RCAN2: variants seen among roughly 807,000 people sequenced by gnomAD.
The protein encoded by RCAN2 is calcipressin-2.
Under a neutral mutation model 23.6 loss-of-function variants are expected in RCAN2, and 9 were observed. The ratio of observed to expected loss-of-function variants is 0.38; its 90% CI spans 0.23 to 0.67. The LOEUF is 0.67. Ranked by LOEUF, RCAN2 falls within the 30% of genes least tolerant of loss-of-function variation. The pLI is 0.51. For synonymous variants in RCAN2, 109 were observed against 115.7 expected (o/e 0.94, Z 0.37); for missense variants, 273 against 302.3 (o/e 0.90, Z 0.72).
At chr6:46,403,077 GCCT>G (rs1766302832) in intron 2 of RCAN2, among the ~76,000 whole-genome samples, 1 of 151,482 alleles carries the variant, frequency 6.6e-6, no homozygotes, top group Non-Finnish European at 1.5e-5. Flanking sequence ...CCATTCTCCT[GCCT>G]CAGCCTCCTG....
intron 4 of RCAN2, among the ~76,000 whole-genome samples, chr6:46,235,352 T>A (rs1039898290): frequency 5.9e-5 from 9 of 152,298 alleles, no homozygotes; most frequent in African/African-American, 1.9e-4. Flanking sequence ...CTAGAGGCTT[T>A]GAAAATACAG....
At chr6:46,253,705 A>G (rs1766808975) in intron 2 of RCAN2, among the ~76,000 whole-genome samples, 2 of 152,096 alleles carry the variant, frequency 1.3e-5, no homozygotes, top group African/African-American at 4.8e-5. Flanking sequence ...GCTGTGATGA[A>G]TAGAAATACA....
At chr6:46,458,591 T>G (rs1253006241) in intron 1 of RCAN2, among the ~76,000 whole-genome samples, 2 of 152,070 alleles carry the variant, frequency 1.3e-5, no homozygotes, top group African/African-American at 4.8e-5. Flanking sequence ...AAATACTTAT[T>G]TTAAATAAAA....
chr6:46,260,822 G>A (rs922172741), intron 2 of RCAN2, among the ~76,000 whole-genome samples: 1 of 152,204 alleles, frequency 6.6e-6, no homozygotes, highest in African/African-American at 2.4e-5. Flanking sequence ...TCTCCCACAT[G>A]TCCCCAGGAT....
chr6:46,336,278 A>T (rs4714924), intron 2 of RCAN2, among the ~76,000 whole-genome samples: 64,145 of 152,062 alleles, frequency 0.42, 14,986 homozygotes, highest in East Asian at 0.6. Context: ...CATTGTAGAA[A>T]TATAAGAGAA....
intron 2 of RCAN2, among the ~76,000 whole-genome samples, chr6:46,311,055 A>G (rs1386202888): frequency 6.6e-6 from 1 of 152,214 alleles, no homozygotes; most frequent in Non-Finnish European, 1.5e-5. Context: ...TATTTCAGTT[A>G]CAACACCCTG....
chr6:46,471,890 C>A (rs75557956), intron 1 of RCAN2, among the ~76,000 whole-genome samples: 1 of 152,072 alleles, frequency 6.6e-6, no homozygotes, highest in East Asian at 1.9e-4. Context: ...CAGGTGCGTG[C>A]GCACACACAC....
intron 4 of RCAN2, among the ~76,000 whole-genome samples, chr6:46,237,923 G>A (rs1310511167): frequency 1.3e-5 from 2 of 152,184 alleles, no homozygotes; most frequent in African/African-American, 4.8e-5. Flanking sequence ...AACCATGTGA[G>A]TGAACCATCT....
intron 2 of RCAN2, among the ~76,000 whole-genome samples, chr6:46,395,493 A>G (rs1447939684): frequency 6.6e-6 from 1 of 152,236 alleles, no homozygotes; most frequent in Non-Finnish European, 1.5e-5. Context: ...ACTCCTTTCA[A>G]AATAAAATAA....
At chr6:46,337,604 T>G (rs938316051) in intron 2 of RCAN2, among the ~76,000 whole-genome samples, 16 of 152,240 alleles carry the variant, frequency 1.1e-4, no homozygotes, top group Non-Finnish European at 5.9e-5. Context: ...CTGTTTTAAC[T>G]GTGACACCAC....
chr6:46,464,192 A>G (rs1436882274), intron 1 of RCAN2, among the ~76,000 whole-genome samples: 3 of 152,212 alleles, frequency 2.0e-5, no homozygotes, highest in South Asian at 2.1e-4. Context: ...AGAAATGCCT[A>G]TATTTTTCAA....
At chr6:46,336,246 T>C (rs915816975) in intron 2 of RCAN2, among the ~76,000 whole-genome samples, 1 of 152,208 alleles carries the variant, frequency 6.6e-6, no homozygotes, top group African/African-American at 2.4e-5. Context: ...AATCTGTAAG[T>C]AGCAATGAGC....
At chr6:46,455,313 T>C (rs1238069301) in intron 2 of RCAN2, among the ~76,000 whole-genome samples, 1 of 152,174 alleles carries the variant, frequency 6.6e-6, no homozygotes, top group Non-Finnish European at 1.5e-5. Flanking sequence ...ATTTCAACAG[T>C]TCAACTCCAC....
At chr6:46,327,446 T>G (rs1763829190) in intron 2 of RCAN2, among the ~76,000 whole-genome samples, 1 of 152,196 alleles carries the variant, frequency 6.6e-6, no homozygotes, top group African/African-American at 2.4e-5. Flanking sequence ...TCACTCAGGG[T>G]TAAATCTGGC....
Position 46,356,286 on chromosome 6 carries a change from A to C in RCAN2, c.225+100466T>G, listed in dbSNP as rs578255624. 3.3e-5 allele frequency among the ~76,000 whole-genome samples: 5 copies of C among 152,280 alleles called. No homozygotes were observed. The South Asian group carries it at 1.0e-3, about 32-fold the overall frequency. On this transcript the variant is annotated intron_variant, in intron 2 of 4. Coordinates refer to ENST00000371374, the MANE Select transcript of RCAN2 (RefSeq NM_001251974.2). ...GATTCGAATTCCTTCTCTGATATTC[A>C]TGGACAAGTCTGGGGTCAGTGATGG...
At chr6:46,286,624 A>G (rs1762383110) in intron 2 of RCAN2, among the ~76,000 whole-genome samples, 1 of 152,180 alleles carries the variant, frequency 6.6e-6, no homozygotes, top group African/African-American at 2.4e-5. Context: ...AGGTAAAGAC[A>G]TGTACAGAAC....
chr6:46,357,829 A>G (rs1332217489), intron 2 of RCAN2, among the ~76,000 whole-genome samples: 1 of 152,188 alleles, frequency 6.6e-6, no homozygotes, highest in Non-Finnish European at 1.5e-5. Flanking sequence ...AATGCAGACA[A>G]TATAAAGAAG....
intron 2 of RCAN2, among the ~76,000 whole-genome samples, chr6:46,301,460 G>A (rs1762900936): frequency 6.6e-6 from 1 of 151,972 alleles, no homozygotes; most frequent in African/African-American, 2.4e-5. Context: ...AATCCTCTCT[G>A]GCATTTGACA....
intron 4 of RCAN2, among the ~76,000 whole-genome samples, chr6:46,236,388 T>A (rs9463188): frequency 6.6e-6 from 1 of 152,134 alleles, no homozygotes. Flanking sequence ...ATACCTCTAT[T>A]TCCATGAGAC....
Sources: allele counts gnomAD v4.1 joint callset (sites outside exome capture counted in the v4.1 genomes callset), GRCh38; gene constraint gnomAD v4.1.1; transcripts MANE v1.5; gene names NCBI Gene and HGNC (gene_info 2026-07-23, HGNC 2026-07-21).